Variants in CUL1 observed in about 807,000 individuals in gnomAD.
The protein encoded by CUL1 is cullin 1.
CUL1 carries 24 observed loss-of-function variants against 118.0 expected under a neutral mutation model. The ratio of observed to expected loss-of-function variants is 0.20; its 90% CI spans 0.15 to 0.29. CUL1 has a LOEUF of 0.29. Ranked by LOEUF, CUL1 falls within the 10% of genes least tolerant of loss-of-function variation. CUL1 has a pLI of 1.00. For missense variants in CUL1, 361 were observed against 933.8 expected (o/e 0.39, Z 7.99); for synonymous variants, 332 against 340.4 (o/e 0.98, Z 0.27).
chr7:148,717,341 A>G (rs188888214), intron 1 of CUL1, among the ~76,000 whole-genome samples: 22 of 152,272 alleles, frequency 1.4e-4, no homozygotes, highest in African/African-American at 5.1e-4. Flanking sequence ...ACAGGCTACC[A>G]TGCCCGGCCT....
intron 17 of CUL1, among the ~76,000 whole-genome samples, chr7:148,794,429 G>T (rs576964119): frequency 2.0e-5 from 3 of 152,124 alleles, no homozygotes; most frequent in Non-Finnish European, 4.4e-5. Flanking sequence ...CCAGTGATCT[G>T]TATATCTTTA....
At chr7:148,709,482 G>A (rs555511273) in intron 1 of CUL1, among the ~76,000 whole-genome samples, 1 of 152,240 alleles carries the variant, frequency 6.6e-6, no homozygotes, top group East Asian at 1.9e-4. Flanking sequence ...GGAAAAATCT[G>A]GATTTTGTGA....
intron 19 of CUL1, 124 bp downstream of exon 19, chr7:148,798,143 C>T: frequency 1.6e-6 from 1 of 606,482 alleles, no homozygotes; most frequent in South Asian, 2.2e-5. Flanking sequence ...GCGACAGGCA[C>T]TAGGCTGGGA....
intron 9 of CUL1, among the ~76,000 whole-genome samples, chr7:148,771,973 C>T (rs1800227228): frequency 6.6e-6 from 1 of 152,080 alleles, no homozygotes; most frequent in Non-Finnish European, 1.5e-5. Context: ...GTGCTAGGCT[C>T]TTAATTTTTC....
At chr7:148,772,140 C>T (rs527564835) in intron 9 of CUL1, among the ~76,000 whole-genome samples, 8 of 152,248 alleles carry the variant, frequency 5.3e-5, no homozygotes, top group Admixed American at 3.3e-4. Flanking sequence ...CAGGTCCGGG[C>T]GCAGTGGCTC....
intron 2 of CUL1, among the ~76,000 whole-genome samples, chr7:148,736,304 A>T (rs1477267801): frequency 1.3e-5 from 2 of 152,124 alleles, no homozygotes; most frequent in Non-Finnish European, 2.9e-5. Context: ...TTAGAGATAT[A>T]TTTTTTTGTT....
At chr7:148,747,639 G>A (rs1350694296) in intron 2 of CUL1, among the ~76,000 whole-genome samples, 1 of 152,186 alleles carries the variant, frequency 6.6e-6, no homozygotes, top group African/African-American at 2.4e-5. Flanking sequence ...GAAGGCAACT[G>A]CTAAAGGATT....
intron 2 of CUL1, among the ~76,000 whole-genome samples, chr7:148,738,473 G>A (rs1320659317): frequency 6.6e-5 from 10 of 152,158 alleles, no homozygotes; most frequent in East Asian, 1.9e-4. Context: ...GCTGAACCAG[G>A]CTTGGCTCTT....
chr7:148,725,106 C>T lies in CUL1; in HGVS notation c.-161-4856C>T, dbSNP rs937693828. Among the ~76,000 whole-genome samples the T allele has an allele frequency of 2.0e-5, 3 of 152,010 alleles. No homozygotes were observed. The East Asian group carries it at 5.8e-4, about 29-fold the overall frequency. On this transcript the variant is annotated intron_variant, in intron 1 of 21. Coordinates refer to ENST00000325222, the MANE Select transcript of CUL1 (RefSeq NM_003592.3). The stretch of plus-strand genomic sequence containing the variant: ...GGGCACCTGTATTCTATTTTATTGT[C>T]CCAGGCAGTTTTACAATCAGTTCAG...
At position 148,764,977 on chromosome 7, in the gene CUL1, C is replaced by T. The variant is rs117234515; in HGVS notation, c.790-1584C>T. On this transcript the variant is annotated intron_variant, in intron 7 of 21. Coordinates refer to ENST00000325222, the MANE Select transcript of CUL1 (RefSeq NM_003592.3). ...TTAACTGAACATATAATAACTGCCT[C>T]TTATTGGAAATGTATTAACTTCAAG... Among the ~76,000 whole-genome samples the T allele has an allele frequency of 8.4e-3, 1,280 of 152,270 alleles. 9 individuals carry two copies. Among genetic ancestry groups the T allele is most frequent in the Non-Finnish European group, 0.014 (944 of 68,020 alleles).
At chr7:148,741,874 C>T (rs1201961432) in intron 2 of CUL1, among the ~76,000 whole-genome samples, 1 of 152,212 alleles carries the variant, frequency 6.6e-6, no homozygotes, top group Non-Finnish European at 1.5e-5. Context: ...ACATCCGGCT[C>T]AACACTTGTT....
intron 1 of CUL1, among the ~76,000 whole-genome samples, chr7:148,716,027 C>T (rs1054319947): frequency 5.3e-5 from 8 of 152,116 alleles, no homozygotes; most frequent in African/African-American, 1.9e-4. Context: ...CATGATATTT[C>T]GTACTTGTGA....
chr7:148,754,481 GT>G (rs1333175199), intron 3 of CUL1, among the ~76,000 whole-genome samples: 4 of 152,020 alleles, frequency 2.6e-5, no homozygotes, highest in Non-Finnish European at 5.9e-5. Flanking sequence ...AGCTCTTTCT[GT>G]TTTTTAAAAT....
At chr7:148,702,696 G>A (rs532163905) in intron 1 of CUL1, among the ~76,000 whole-genome samples, 14 of 152,198 alleles carry the variant, frequency 9.2e-5, no homozygotes, top group African/African-American at 2.4e-4. Flanking sequence ...ATCACCTGAC[G>A]GCTCACACAT....
intron 16 of CUL1, 33 bp downstream of exon 16, chr7:148,790,474 A>G (rs773149365): frequency 3.8e-6 from 6 of 1,581,998 alleles, no homozygotes; most frequent in East Asian, 4.5e-5. Flanking sequence ...AAATTTTTCT[A>G]TTCTAAATGA....
chr7:148,733,413 T>C (rs1394044434), intron 2 of CUL1, among the ~76,000 whole-genome samples: 2 of 152,242 alleles, frequency 1.3e-5, no homozygotes, highest in Non-Finnish European at 2.9e-5. Flanking sequence ...CATGTTTTTG[T>C]AGAGCCATCT....
At chr7:148,706,311 G>C (rs1797881057) in intron 1 of CUL1, among the ~76,000 whole-genome samples, 1 of 152,188 alleles carries the variant, frequency 6.6e-6, no homozygotes, top group Admixed American at 6.5e-5. Context: ...TGCCGAGCTT[G>C]CTTTGTGACT....
intron 1 of CUL1, among the ~76,000 whole-genome samples, chr7:148,728,202 C>T (rs531956641): frequency 2.3e-4 from 35 of 152,104 alleles, no homozygotes; most frequent in South Asian, 1.0e-3. Context: ...ATACATGTGG[C>T]ATTGCCACTC....
chr7:148,762,249 C>G (rs946901424), intron 7 of CUL1, among the ~76,000 whole-genome samples: 1 of 152,196 alleles, frequency 6.6e-6, no homozygotes, highest in Admixed American at 6.5e-5. Context: ...AGCAACAGCT[C>G]TGCTCTAACC....
Sources: gnomAD v4.1 joint callset for allele counts (sites outside exome capture counted in the v4.1 genomes callset) on GRCh38, gnomAD v4.1.1 for gene constraint, MANE v1.5 for transcripts, NCBI Gene and HGNC (gene_info 2026-07-23, HGNC 2026-07-21) for gene names.